The following EML1 variants were observed in gnomAD, a reference collection of about 807,000 sequenced individuals.
EML1 encodes echinoderm microtubule-associated protein-like 1.
Under a neutral mutation model 110.4 loss-of-function variants are expected in EML1, and 27 were observed. The observed-to-expected ratio is 0.24, with a 90% CI of 0.18 to 0.34. The LOEUF (loss-of-function observed/expected upper bound fraction) is 0.34. EML1 is among the 10% of genes least tolerant of loss of function. The pLI is 1.00. For synonymous variants in EML1, 344 were observed against 385.8 expected (o/e 0.89, Z 1.27); for missense variants, 741 against 1,030.9 (o/e 0.72, Z 3.85).
At chr14:99,850,339 A>G in intron 1 of EML1, 1 of 1,289,054 alleles carries the variant, frequency 7.8e-7, no homozygotes, top group Middle Eastern at 2.1e-4. Context: ...CTGAGTAAGA[A>G]AATATGATTA....
rs373082083 is a variant in EML1, at chr14:99,886,422, C to T, written c.519-4777C>T. 5.3e-5 allele frequency among the ~76,000 whole-genome samples: 8 copies of T among 151,996 alleles called. No homozygotes were observed. In the South Asian group the frequency reaches 1.5e-3, roughly 28 times the overall value. ...GCTTGAGCCAGGAGGTGGAGGTTGCCGTGAGCCGAGATCACACCACTGCAC... is the reference window on the plus strand; with the variant it reads ...GCTTGAGCCAGGAGGTGGAGGTTGCTGTGAGCCGAGATCACACCACTGCAC... On this transcript the variant is annotated intron_variant, in intron 4 of 21. Coordinates refer to ENST00000262233, the MANE Select transcript of EML1 (RefSeq NM_004434.3).
chr14:99,901,094 A>T (rs1448964521), intron 9 of EML1, 55 bp downstream of exon 9: 1 of 1,498,372 alleles, frequency 6.7e-7, no homozygotes, highest in African/African-American at 1.4e-5. Flanking sequence ...GTAGAGAATC[A>T]ACTCAGGGTT....
chr14:99,937,159 C>G (rs2060489827), intron 19 of EML1, among the ~76,000 whole-genome samples: 1 of 152,226 alleles, frequency 6.6e-6, no homozygotes, highest in Non-Finnish European at 1.5e-5. Context: ...CCAGGACAGG[C>G]AGGACCACTG....
intron 1 of EML1, among the ~76,000 whole-genome samples, chr14:99,756,129 G>C (rs1412489325): frequency 2.6e-5 from 4 of 152,230 alleles, no homozygotes; most frequent in Non-Finnish European, 5.9e-5. Flanking sequence ...GGGGTCACCA[G>C]GGTGCCCAGA....
At chr14:99,890,371 T>C (rs2059565777) in intron 4 of EML1, among the ~76,000 whole-genome samples, 1 of 152,202 alleles carries the variant, frequency 6.6e-6, no homozygotes, top group Non-Finnish European at 1.5e-5. Flanking sequence ...GGTCTCCCTG[T>C]CCCTGTCTGG....
upstream of EML1, chr14:99,793,308 TGCG>T (rs925967316): frequency 6.6e-4 from 633 of 953,718 alleles, no homozygotes; most frequent in East Asian, 7.1e-4. Context: ...CTCGCGCGGC[TGCG>T]GCGGCGGCGG....
At chr14:99,933,612 G>A in intron 17 of EML1, among the ~76,000 whole-genome samples, 1 of 152,228 alleles carries the variant, frequency 6.6e-6, no homozygotes, top group East Asian at 1.9e-4. Context: ...GATTGCCTGG[G>A]TTTCAGCCAG....
At chr14:99,789,781 A>G (rs78483863), upstream of EML1, among the ~76,000 whole-genome samples, 14,968 of 152,272 alleles carry the variant, frequency 0.098, 1,097 homozygotes, top group African/African-American at 0.21. Context: ...AAATGCTGCT[A>G]TTAATTCCAC....
chr14:99,940,142 G>A lies in EML1; in HGVS notation c.*30G>A. 1 of 1,492,954 alleles carries A rather than the reference G, an allele frequency of 6.7e-7. No individual in the cohort carries two copies. Among genetic ancestry groups the A allele is most frequent in the Non-Finnish European group, 8.9e-7 (1 of 1,119,886 alleles). 92.5% of individuals were successfully genotyped at this position (1,492,954 alleles called of 1,614,324 possible). ...CACCGAGAGCTGTGGGGAGCAGCAT[G>A]GGCAAGGAAGACACAGACTCGCATT... On this transcript the variant is annotated 3_prime_UTR_variant, in exon 22 of 22. Transcript: ENST00000262233.
At chr14:99,806,000 C>T (rs8021648) in intron 1 of EML1, among the ~76,000 whole-genome samples, 5,039 of 152,214 alleles carry the variant, frequency 0.033, 110 homozygotes, top group Non-Finnish European at 0.051. Flanking sequence ...GTCCAGCATT[C>T]GACTTTCTTG....
intron 3 of EML1, among the ~76,000 whole-genome samples, chr14:99,867,045 T>C (rs987375407): frequency 2.6e-5 from 4 of 152,164 alleles, no homozygotes; most frequent in Non-Finnish European, 1.5e-5. Flanking sequence ...GTGAAGATAG[T>C]ACCAAATAGG....
At chr14:99,906,465 G>A (rs183059666) in intron 9 of EML1, among the ~76,000 whole-genome samples, 2 of 152,290 alleles carry the variant, frequency 1.3e-5, no homozygotes, top group African/African-American at 4.8e-5. Flanking sequence ...ACGTTGCCAT[G>A]ACATGTATAA....
chr14:99,834,056 C>T (rs1452969204), intron 1 of EML1, among the ~76,000 whole-genome samples: 5 of 152,184 alleles, frequency 3.3e-5, no homozygotes, highest in African/African-American at 1.2e-4. Context: ...TCTATAGACA[C>T]CCTTCATCAG....
intron 1 of EML1, among the ~76,000 whole-genome samples, chr14:99,793,816 C>G (rs1333790356): frequency 6.7e-6 from 1 of 149,580 alleles, no homozygotes; most frequent in Non-Finnish European, 1.5e-5. Context: ...CCAGCACCCG[C>G]GGAGCGCGCC....
At chr14:99,773,713 G>A (rs916884809) in exon 1 of EML1, 4 of 152,262 alleles carry the variant, frequency 2.6e-5, no homozygotes, top group Admixed American at 6.5e-5. Flanking sequence ...CAGAAAGCAG[G>A]AGCCTGGATG....
chr14:99,904,014 C>G (rs765455383), intron 9 of EML1, among the ~76,000 whole-genome samples: 3 of 152,062 alleles, frequency 2.0e-5, no homozygotes, highest in Non-Finnish European at 4.4e-5. Flanking sequence ...AACTCCTGAC[C>G]TCAAGTGATC....
chr14:99,903,664 A>G (rs1269109379), intron 9 of EML1, among the ~76,000 whole-genome samples: 2 of 152,268 alleles, frequency 1.3e-5, no homozygotes, highest in South Asian at 2.1e-4. Context: ...AAGAAAGCCA[A>G]TTTCCTATTT....
intron 7 of EML1, among the ~76,000 whole-genome samples, chr14:99,897,761 C>G (rs561310548): frequency 4.6e-5 from 7 of 152,092 alleles, no homozygotes; most frequent in African/African-American, 1.4e-4. Context: ...GTGGCTGAGT[C>G]GGCTCTTCCC....
At chr14:99,795,388 G>A (rs1016942875) in intron 1 of EML1, among the ~76,000 whole-genome samples, 3 of 152,130 alleles carry the variant, frequency 2.0e-5, no homozygotes, top group African/African-American at 7.2e-5. Context: ...ACCTTAACTA[G>A]AATCAAACAA....
Sources: gnomAD v4.1 joint callset for allele counts (sites outside exome capture counted in the v4.1 genomes callset) on GRCh38, gnomAD v4.1.1 for gene constraint, MANE v1.5 for transcripts, NCBI Gene and HGNC (gene_info 2026-07-23, HGNC 2026-07-21) for gene names.